The following UBE2H variants were observed in gnomAD, a reference collection of about 807,000 sequenced individuals.
UBE2H encodes the protein ubiquitin conjugating enzyme E2 H.
UBE2H carries 3 observed loss-of-function variants against 29.0 expected under a neutral mutation model. The ratio of observed to expected loss-of-function variants is 0.10; its 90% CI spans 0.05 to 0.27. The LOEUF is 0.27. UBE2H is among the 10% of genes least tolerant of loss of function. UBE2H has a pLI of 1.00. For synonymous variants in UBE2H, 69 were observed against 82.9 expected (o/e 0.83, Z 0.91); for missense variants, 68 against 228.2 (o/e 0.30, Z 4.52).
chr7:129,927,774 A>C (rs1807300783), intron 1 of UBE2H, among the ~76,000 whole-genome samples: 1 of 152,148 alleles, frequency 6.6e-6, no homozygotes, highest in Admixed American at 6.6e-5. Flanking sequence ...TTAATTTCAT[A>C]GAAATGGAGC....
intron 1 of UBE2H, among the ~76,000 whole-genome samples, chr7:129,885,793 A>C (rs1011411333): frequency 1.3e-5 from 2 of 152,208 alleles, no homozygotes; most frequent in Non-Finnish European, 2.9e-5. Flanking sequence ...AGAAAAAAGA[A>C]TTTAGGTTTA....
At chr7:129,892,616 A>T (rs1806520442) in intron 1 of UBE2H, among the ~76,000 whole-genome samples, 1 of 152,210 alleles carries the variant, frequency 6.6e-6, no homozygotes, top group African/African-American at 2.4e-5. Context: ...GTACTACAAA[A>T]TACAAGGATA....
At chr7:129,937,010 A>C (rs952869029) in intron 1 of UBE2H, among the ~76,000 whole-genome samples, 11 of 151,448 alleles carry the variant, frequency 7.3e-5, no homozygotes, top group East Asian at 1.9e-4. Context: ...ACAACAACAA[A>C]AAAAACACAC....
chr7:129,945,382 T>C (rs1313962077), intron 1 of UBE2H, among the ~76,000 whole-genome samples: 1 of 152,214 alleles, frequency 6.6e-6, no homozygotes, highest in African/African-American at 2.4e-5. Context: ...ACTCTGAGAA[T>C]ACAAAATTAT....
At chr7:129,949,022 A>T in intron 1 of UBE2H, 1 of 456,692 alleles carries the variant, frequency 2.2e-6, no homozygotes, top group Non-Finnish European at 4.4e-6. Flanking sequence ...GCGGCCAATG[A>T]GCGCTGAGGA....
intron 1 of UBE2H, among the ~76,000 whole-genome samples, chr7:129,931,858 C>T (rs1257835393): frequency 9.8e-5 from 13 of 132,724 alleles, no homozygotes; most frequent in African/African-American, 3.3e-4. Context: ...TTTTTTGAGA[C>T]GGAGTCCAGC....
intron 1 of UBE2H, among the ~76,000 whole-genome samples, chr7:129,925,481 A>C (rs1439950413): frequency 6.6e-6 from 1 of 152,236 alleles, no homozygotes; most frequent in Non-Finnish European, 1.5e-5. Flanking sequence ...CAAATATGTA[A>C]ATGAAAGAAA....
intron 1 of UBE2H, among the ~76,000 whole-genome samples, chr7:129,892,387 G>A (rs1806514062): frequency 1.3e-5 from 2 of 152,040 alleles, no homozygotes; most frequent in Admixed American, 1.3e-4. Context: ...GAGTAGCTGG[G>A]ATTACAGGTG....
rs1315200749 is a variant in UBE2H, at chr7:129,857,502, C to G, written c.298+9G>C. 8 of 1,604,678 alleles carry G rather than the reference C, an allele frequency of 5.0e-6. No individual in the cohort carries two copies. Among genetic ancestry groups the G allele is most frequent in the Non-Finnish European group, 6.8e-6 (8 of 1,176,324 alleles). On this transcript the variant is annotated intron_variant, in intron 5 of 6. Coordinates refer to ENST00000355621, the MANE Select transcript of UBE2H (RefSeq NM_003344.4). Reference sequence around the variant, plus strand: ...ACATCTCCAAAAAATATTCCATGGCCAAACTCACCATAGAGAGCTGTCCAA... The same window carrying G: ...ACATCTCCAAAAAATATTCCATGGCGAAACTCACCATAGAGAGCTGTCCAA...
At chr7:129,837,862 C>T (rs1229627611) in intron 6 of UBE2H, among the ~76,000 whole-genome samples, 2 of 152,140 alleles carry the variant, frequency 1.3e-5, no homozygotes, top group African/African-American at 2.4e-5. Flanking sequence ...GGGGTCCGTA[C>T]GCTGGAGTGA....
intron 1 of UBE2H, among the ~76,000 whole-genome samples, chr7:129,884,310 G>A (rs1240687012): frequency 2.0e-5 from 3 of 151,456 alleles, no homozygotes; most frequent in African/African-American, 7.3e-5. Flanking sequence ...CCAGCTACTT[G>A]GGAGGCTGAG....
chr7:129,904,853 T>G lies in UBE2H; in HGVS notation c.54-23882A>C, dbSNP rs1806784070. ...GAGTGATATGAGGGTTACTCAGCAG[T>G]GCTGAAGAGGCACACTGAAGGTGCT... On this transcript the variant is annotated intron_variant, in intron 1 of 6. Coordinates refer to ENST00000355621, the MANE Select transcript of UBE2H (RefSeq NM_003344.4). Among the ~76,000 whole-genome samples the G allele has an allele frequency of 2.0e-5, 3 of 152,148 alleles. No individual in the cohort carries two copies. In the South Asian group the frequency reaches 6.2e-4, roughly 31 times the overall value.
At chr7:129,944,703 G>A (rs1055115108) in intron 1 of UBE2H, among the ~76,000 whole-genome samples, 9 of 146,702 alleles carry the variant, frequency 6.1e-5, no homozygotes, top group East Asian at 2.0e-4. Flanking sequence ...ACACACGTGC[G>A]CATGCGCTCA....
intron 1 of UBE2H, among the ~76,000 whole-genome samples, chr7:129,897,431 A>G (rs919072973): frequency 9.9e-5 from 15 of 152,226 alleles, no homozygotes; most frequent in African/African-American, 3.1e-4. Context: ...CTTCAAGTTC[A>G]TTAGGCATAG....
At position 129,930,031 on chromosome 7, in the gene UBE2H, C is replaced by T. The variant is rs563378328; in HGVS notation, c.53+22472G>A. On this transcript the variant is annotated intron_variant, in intron 1 of 6. Coordinates refer to ENST00000355621, the MANE Select transcript of UBE2H (RefSeq NM_003344.4). ...AAAAAACAAAACAAAACAAAAAAAA[C>T]GGATATACAAGAAACTGTGCTAGGT... Among the ~76,000 whole-genome samples the T allele has an allele frequency of 7.4e-4, 112 of 152,144 alleles. 1 individual carries two copies. Among genetic ancestry groups the T allele is most frequent in the Non-Finnish European group, 8.8e-5 (6 of 67,996 alleles).
rs1805213835 is a variant in UBE2H at position 129,830,907 on chromosome 7, T to C, written c.*4030A>G. 1 of 150,322 alleles carries C rather than the reference T, an allele frequency of 6.7e-6. No homozygotes were observed. The highest frequency in any genetic ancestry group is 1.5e-5 in the Non-Finnish European group (1 of 67,748). The allele number at this position is 150,322 out of a possible 1,614,324, so 9.3% of individuals were successfully genotyped here. ...AGACAGGGCGAGGAAAAATAAGCGA[T>C]AAAAAGCTTCAGATTTCAGTTAGGG... is the stretch of plus-strand genomic sequence containing the variant. On this transcript the variant is annotated 3_prime_UTR_variant, in exon 7 of 7. Transcript: ENST00000355621.
chr7:129,856,821 G>A (rs529933923), intron 5 of UBE2H, among the ~76,000 whole-genome samples: 1 of 152,082 alleles, frequency 6.6e-6, no homozygotes, highest in Admixed American at 6.6e-5. Context: ...TGGGACTTGA[G>A]TAAGCATGAA....
chr7:129,859,078 T>G (rs1005588000), intron 3 of UBE2H, 137 bp from the exon 4 acceptor site: 1 of 672,434 alleles, frequency 1.5e-6, no homozygotes, highest in Non-Finnish European at 2.6e-6. Context: ...GATCTTTCAT[T>G]ACTGATAAAC....
chr7:129,939,965 AAAAAG>A (rs1274224050), intron 1 of UBE2H, among the ~76,000 whole-genome samples: 53 of 152,260 alleles, frequency 3.5e-4, no homozygotes, highest in African/African-American at 1.1e-3. Context: ...TCTCAAAAAA[AAAAAG>A]AAAGAAAGAA....
Sources: gnomAD v4.1 joint callset for allele counts (sites outside exome capture counted in the v4.1 genomes callset) on GRCh38, gnomAD v4.1.1 for gene constraint, MANE v1.5 for transcripts, NCBI Gene and HGNC (gene_info 2026-07-23, HGNC 2026-07-21) for gene names.